The following GTF2A1 variants were observed in gnomAD, a reference collection of about 807,000 sequenced individuals.
GTF2A1 encodes the protein transcription initiation factor IIA subunit 1.
Under a neutral mutation model 54.1 loss-of-function variants are expected in GTF2A1, and 12 were observed. The observed-to-expected ratio is 0.22, with a 90% CI of 0.14 to 0.36. GTF2A1 has a LOEUF of 0.36. Among genes scored for constraint, GTF2A1 ranks in the 10% least tolerant of loss-of-function variants. The probability of loss-of-function intolerance (pLI) is 1.00; values close to 1 mark genes in which losing one functional copy is unlikely to be tolerated. For missense variants in GTF2A1, 335 were observed against 442.2 expected (o/e 0.76, Z 2.17); for synonymous variants, 145 against 152.0 (o/e 0.95, Z 0.34).
chr14:81,201,802 G>T, intron 3 of GTF2A1, 144 bp from the exon 4 acceptor site: 1 of 634,340 alleles, frequency 1.6e-6, no homozygotes, highest in South Asian at 1.9e-5. Context: ...TTCATCTCAG[G>T]ACATTATAAA....
At chr14:81,220,213 G>A (rs1390177990) in intron 1 of GTF2A1, among the ~76,000 whole-genome samples, 5 of 124,662 alleles carry the variant, frequency 4.0e-5, no homozygotes, top group South Asian at 2.9e-4. Context: ...GCGCCCGACC[G>A]GGCCCAACCG....
intron 2 of GTF2A1, among the ~76,000 whole-genome samples, chr14:81,211,965 G>A (rs996515063): frequency 6.1e-5 from 9 of 147,174 alleles, no homozygotes; most frequent in Middle Eastern, 3.6e-3. Context: ...GGCCCCCGGC[G>A]ACATCTGGCA....
At chr14:81,194,257 C>T (rs1302320661) in intron 6 of GTF2A1, among the ~76,000 whole-genome samples, 7 of 152,178 alleles carry the variant, frequency 4.6e-5, no homozygotes, top group African/African-American at 2.4e-5. Context: ...ACTCCTTATG[C>T]CTGATGACCT....
intron 2 of GTF2A1, among the ~76,000 whole-genome samples, chr14:81,211,262 A>T (rs1893358007): frequency 6.6e-6 from 1 of 152,096 alleles, no homozygotes; most frequent in South Asian, 2.1e-4. Context: ...CCTCCCTTTA[A>T]TCCCAGTACT....
chr14:81,189,539 C>T (rs1377146872), intron 7 of GTF2A1, among the ~76,000 whole-genome samples: 1 of 152,000 alleles, frequency 6.6e-6, no homozygotes. Context: ...GGCGAGGTGG[C>T]GGGCACCTCT....
rs1263545603 is a variant in GTF2A1, at chr14:81,220,272, C to T, written c.30+217G>A. Among the ~76,000 whole-genome samples, 3 of 145,156 alleles carry T rather than the reference C, an allele frequency of 2.1e-5. No individual in the cohort carries two copies. In the East Asian group the frequency reaches 6.1e-4, roughly 30 times the overall value. ...CGGCGGCCCCAGGCCCCACCGGCGCCCCCGCCCTCCCCGCGCCGCGAGCCC... is the reference window on the plus strand; with the variant it reads ...CGGCGGCCCCAGGCCCCACCGGCGCTCCCGCCCTCCCCGCGCCGCGAGCCC... On this transcript the variant is annotated intron_variant, in intron 1 of 8. Coordinates refer to ENST00000553612, the MANE Select transcript of GTF2A1 (RefSeq NM_015859.4).
intron 1 of GTF2A1, 67 bp downstream of exon 1, chr14:81,220,422 C>T (rs1893603867): frequency 2.5e-6 from 3 of 1,177,260 alleles, no homozygotes; most frequent in Non-Finnish European, 3.6e-6. Context: ...CGTCCCCGCC[C>T]CCGCCCGGTC....
chr14:81,220,355 A>AGCG (rs1472265778), intron 1 of GTF2A1, 134 bp downstream of exon 1: 37 of 341,046 alleles, frequency 1.1e-4, no homozygotes, highest in East Asian at 1.7e-4. Flanking sequence ...CGAGGCGGGA[A>AGCG]GCGGCGGCGG....
At chr14:81,195,728 C>T (rs1268369836) in intron 6 of GTF2A1, among the ~76,000 whole-genome samples, 2 of 151,468 alleles carry the variant, frequency 1.3e-5, no homozygotes, top group Non-Finnish European at 2.9e-5. Context: ...GGATTCTACA[C>T]ACCCACTTCC....
At chr14:81,190,984 GTTAC>G (rs2140152748) in intron 7 of GTF2A1, among the ~76,000 whole-genome samples, 1 of 152,252 alleles carries the variant, frequency 6.6e-6, no homozygotes, top group African/African-American at 2.4e-5. Context: ...ATAAAAACAT[GTTAC>G]TTCAAGAAGC....
intron 2 of GTF2A1, among the ~76,000 whole-genome samples, chr14:81,204,502 T>C (rs1893187207): frequency 6.6e-6 from 1 of 152,056 alleles, no homozygotes; most frequent in Non-Finnish European, 1.5e-5. Flanking sequence ...AAATAGAAAA[T>C]ACAAAATTTT....
rs1892683702 is a variant in GTF2A1, at chr14:81,183,718, TCCA to T, written c.1023+1810_1023+1812del. Among the ~76,000 whole-genome samples the T allele has an allele frequency of 2.0e-5, 3 of 152,200 alleles. No homozygotes were observed. In the South Asian group the frequency reaches 6.2e-4, roughly 32 times the overall value. On this transcript the variant is annotated intron_variant, in intron 8 of 8. Coordinates refer to ENST00000553612, the MANE Select transcript of GTF2A1 (RefSeq NM_015859.4). Reference sequence around the variant, plus strand: ...TCGCTAAATGCTGTATCAGCCCTTATCCACCCACACGTAAGCAAGAACTCTACC... The same window carrying T: ...TCGCTAAATGCTGTATCAGCCCTTATCCCACACGTAAGCAAGAACTCTACC...
Position 81,181,950 on chromosome 14 carries a change from TA to T in GTF2A1, c.1024-1621del, listed in dbSNP as rs1330833942. On this transcript the variant is annotated intron_variant, in intron 8 of 8. Coordinates refer to ENST00000553612, the MANE Select transcript of GTF2A1 (RefSeq NM_015859.4). ...GGCAAATGGTTGTGCAGTGTCTGCTTAAATACGATTAGAAACAGTGAGCAAA... is the reference window on the plus strand; with the variant it reads ...GGCAAATGGTTGTGCAGTGTCTGCTTAATACGATTAGAAACAGTGAGCAAA... Among the ~76,000 whole-genome samples, 5 of 152,346 alleles carry T rather than the reference TA, an allele frequency of 3.3e-5. No individual in the cohort carries two copies. In the East Asian group the frequency reaches 9.6e-4, roughly 29 times the overall value.
At chr14:81,192,451 C>T in intron 7 of GTF2A1, 68 bp downstream of exon 7, 1 of 1,127,156 alleles carries the variant, frequency 8.9e-7, no homozygotes, top group Non-Finnish European at 1.3e-6. Flanking sequence ...TATAATTTAT[C>T]AGTGTTGTAC....
chr14:81,176,318 TAATA>T lies in GTF2A1; in HGVS notation c.*3901_*3904del, dbSNP rs1278440475. On this transcript the variant is annotated 3_prime_UTR_variant, in exon 9 of 9. Transcript: ENST00000553612. ...TGATCTGCAATGAATTTTACAAACA[TAATA>T]AATATATTTACGCCATTACACATAA... The T allele has an allele frequency of 6.6e-6, 1 of 152,092 alleles. No homozygotes were observed. Among genetic ancestry groups the T allele is most frequent in the Non-Finnish European group, 1.5e-5 (1 of 67,970 alleles). The allele number at this position is 152,092 out of a possible 1,614,324, so 9.4% of individuals were successfully genotyped here.
chr14:81,185,403 C>T (rs1892722125), intron 8 of GTF2A1, 128 bp downstream of exon 8: 5 of 532,884 alleles, frequency 9.4e-6, no homozygotes, highest in East Asian at 3.1e-5. Flanking sequence ...ACAGGGTTTT[C>T]GTACTATTCA....
intron 2 of GTF2A1, among the ~76,000 whole-genome samples, chr14:81,206,337 T>A (rs1893230038): frequency 6.6e-6 from 1 of 152,226 alleles, no homozygotes; most frequent in African/African-American, 2.4e-5. Context: ...CCCTGGTCCT[T>A]TCTGCCCAGC....
chr14:81,207,458 C>T (rs1893264079), intron 2 of GTF2A1, among the ~76,000 whole-genome samples: 1 of 152,158 alleles, frequency 6.6e-6, no homozygotes, highest in Non-Finnish European at 1.5e-5. Flanking sequence ...TCCAATTAAA[C>T]CTCTTTTTGT....
intron 2 of GTF2A1, among the ~76,000 whole-genome samples, chr14:81,214,721 A>G (rs1049353916): frequency 1.3e-5 from 2 of 152,148 alleles, no homozygotes; most frequent in Admixed American, 6.5e-5. Context: ...ATTTATACTA[A>G]TAGAAATTAT....
Sources: gnomAD v4.1 joint callset for allele counts (sites outside exome capture counted in the v4.1 genomes callset) on GRCh38, gnomAD v4.1.1 for gene constraint, MANE v1.5 for transcripts, NCBI Gene and HGNC (gene_info 2026-07-23, HGNC 2026-07-21) for gene names.